Variants in MYOM1 observed in about 807,000 individuals in gnomAD.
MYOM1 encodes the protein myomesin-1.
In MYOM1, 164 loss-of-function variants were observed where a neutral mutation model predicts 205.3. The ratio of observed to expected loss-of-function variants is 0.80; its 90% CI spans 0.70 to 0.91. The LOEUF (loss-of-function observed/expected upper bound fraction) is 0.91. MYOM1 is among the 40% of genes least tolerant of loss of function. The pLI is 0.00. For synonymous variants in MYOM1, 772 were observed against 789.4 expected (o/e 0.98, Z 0.37); for missense variants, 2,011 against 2,127.3 (o/e 0.95, Z 1.08).
chr18:3,157,001 G>C (rs901438864), intron 10 of MYOM1, among the ~76,000 whole-genome samples: 1 of 152,162 alleles, frequency 6.6e-6, no homozygotes, highest in Non-Finnish European at 1.5e-5. Flanking sequence ...AGAGGAGGTG[G>C]GGATGCTGAG....
In MYOM1 at chr18:3,089,614, A is replaced by G; in HGVS notation, c.4010-18T>C. ...TTTGAAAACTACAAATTGAAAAACA[A>G]GGAAGTGTGAAATTGAGTTGGGTGG... On this transcript the variant is annotated intron_variant, in intron 27 of 37. Transcript: ENST00000356443. 6.3e-7 allele frequency: 1 copy of G among 1,599,012 alleles called. No individual in the cohort carries two copies. Among genetic ancestry groups the G allele is most frequent in the Non-Finnish European group, 8.5e-7 (1 of 1,172,792 alleles).
At chr18:3,210,186 A>T (rs2081174132) in intron 2 of MYOM1, among the ~76,000 whole-genome samples, 1 of 152,222 alleles carries the variant, frequency 6.6e-6, no homozygotes, top group South Asian at 2.1e-4. Flanking sequence ...TTCTTTGGTA[A>T]CACATTTTGA....
intron 9 of MYOM1, among the ~76,000 whole-genome samples, chr18:3,164,918 A>C (rs1000944970): frequency 1.3e-5 from 2 of 150,476 alleles, no homozygotes; most frequent in Admixed American, 1.3e-4. Context: ...ATTAGTCATC[A>C]AAATTTATAC....
At chr18:3,197,661 C>G (rs2081007321) in intron 2 of MYOM1, among the ~76,000 whole-genome samples, 1 of 151,844 alleles carries the variant, frequency 6.6e-6, no homozygotes, top group South Asian at 2.1e-4. Flanking sequence ...ATCACGAGGT[C>G]AGGAGATCGA....
At chr18:3,122,790 A>G (rs2079715880) in intron 19 of MYOM1, among the ~76,000 whole-genome samples, 1 of 152,222 alleles carries the variant, frequency 6.6e-6, no homozygotes, top group Non-Finnish European at 1.5e-5. Flanking sequence ...AAATCATATA[A>G]TCTTCTCAAT....
At position 3,215,136 on chromosome 18, in the gene MYOM1, G is replaced by A. The variant is rs2081248416; in HGVS notation, c.88C>T (p.Gln30Ter). Residue 30 changes from glutamine to a stop codon, truncating the protein, a stop_gained, in exon 2 of 38, where the codon CAG (glutamine) becomes TAG (stop). Transcript: ENST00000356443. LOFTEE classifies it high-confidence loss of function. ...KDVRSTVSHY[Q>*]REKKRSAVYT... ...ACGGCGGAGCGTTTCTTCTCCCGCT[G>A]GTAGTGACTCACGGTGCTGCGCACG... The A allele has an allele frequency of 6.2e-7, 1 of 1,613,692 alleles. No individual in the cohort carries two copies. Among genetic ancestry groups the A allele is most frequent in the East Asian group, 2.2e-5 (1 of 44,862 alleles).
At chr18:3,148,842 T>C (rs1371402414) in intron 13 of MYOM1, among the ~76,000 whole-genome samples, 2 of 45,092 alleles carry the variant, frequency 4.4e-5, no homozygotes, top group African/African-American at 1.1e-4. Flanking sequence ...CGAGACTCCA[T>C]CCAAAAAAAA....
At chr18:3,174,239 CGTAGTGACAATCCTTGTAATTACTAGCT>C (rs777104096) in intron 6 of MYOM1, 31 bp from the exon 7 acceptor site, 2 of 1,578,898 alleles carry the variant, frequency 1.3e-6, no homozygotes, top group South Asian at 2.2e-5. Flanking sequence ...GAATATCCAT[CGTAGTGACAATCCTTGTAATTACTAGCT>C]GTTCTATCAA....
intron 8 of MYOM1, among the ~76,000 whole-genome samples, chr18:3,173,573 CGTGT>C (rs71159051): frequency 0.085 from 11,620 of 136,712 alleles, 490 homozygotes; most frequent in Non-Finnish European, 0.098. Context: ...AGTCCAGACT[CGTGT>C]GTGTGTGTGT....
intron 3 of MYOM1, among the ~76,000 whole-genome samples, chr18:3,191,033 C>T (rs2080896970): frequency 6.6e-6 from 1 of 152,116 alleles, no homozygotes. Context: ...GTATGTTAGA[C>T]CCAGGCAATA....
At chr18:3,177,732 C>T (rs1006368619) in intron 5 of MYOM1, among the ~76,000 whole-genome samples, 1 of 152,196 alleles carries the variant, frequency 6.6e-6, no homozygotes, top group Admixed American at 6.5e-5. Context: ...CTTGACCTCC[C>T]AAAGTGCTGG....
upstream of MYOM1, among the ~76,000 whole-genome samples, chr18:3,221,681 G>A (rs182709573): frequency 3.3e-5 from 5 of 152,314 alleles, no homozygotes; most frequent in East Asian, 7.7e-4. Flanking sequence ...ATGGCAATAC[G>A]GGTCTTCACT....
At chr18:3,145,050 T>A (rs1031168099) in intron 13 of MYOM1, among the ~76,000 whole-genome samples, 1 of 152,224 alleles carries the variant, frequency 6.6e-6, no homozygotes, top group African/African-American at 2.4e-5. Flanking sequence ...GGCTAACGCC[T>A]GTAATCCCAG....
At chr18:3,093,413 C>A (rs952142523) in intron 26 of MYOM1, among the ~76,000 whole-genome samples, 1 of 151,858 alleles carries the variant, frequency 6.6e-6, no homozygotes, top group Non-Finnish European at 1.5e-5. Flanking sequence ...ACTCTATCTA[C>A]AAAAACTATG....
At chr18:3,093,028 G>T (rs908393838) in intron 26 of MYOM1, among the ~76,000 whole-genome samples, 6 of 152,092 alleles carry the variant, frequency 3.9e-5, no homozygotes, top group African/African-American at 1.4e-4. Flanking sequence ...AGCAGTCGAG[G>T]GAACATTTTG....
the MYOM1 span, among the ~76,000 whole-genome samples, chr18:3,235,381 C>T: frequency 6.6e-6 from 1 of 152,208 alleles, no homozygotes; most frequent in African/African-American, 2.4e-5. Context: ...TTACCCTCTG[C>T]TAATCCTCCA....
intron 3 of MYOM1, among the ~76,000 whole-genome samples, chr18:3,190,986 T>A (rs1378895062): frequency 6.6e-6 from 1 of 152,166 alleles, no homozygotes; most frequent in Non-Finnish European, 1.5e-5. Flanking sequence ...GAAAAAAAAC[T>A]AATTATTTCA....
chr18:3,201,849 GC>G (rs1419838483), intron 2 of MYOM1, among the ~76,000 whole-genome samples: 8 of 151,916 alleles, frequency 5.3e-5, no homozygotes, highest in Admixed American at 2.0e-4. Context: ...TCACCATGCT[GC>G]CCAGGCTGGT....
chr18:3,077,981 C>T (rs1386762428), intron 34 of MYOM1, among the ~76,000 whole-genome samples: 1 of 152,036 alleles, frequency 6.6e-6, no homozygotes, highest in African/African-American at 2.4e-5. Context: ...AAGGGCGACG[C>T]TCTAAGTGAT....
Sources: gnomAD v4.1 joint callset for allele counts (sites outside exome capture counted in the v4.1 genomes callset) on GRCh38, gnomAD v4.1.1 for gene constraint, MANE v1.5 for transcripts, NCBI Gene and HGNC (gene_info 2026-07-23, HGNC 2026-07-21) for gene names.